PRKN: variants seen among roughly 807,000 people sequenced by gnomAD.
PRKN encodes the protein parkin RBR E3 ubiquitin protein ligase, also known as E3 ubiquitin-protein ligase parkin.
In PRKN, 56 loss-of-function variants were observed where a neutral mutation model predicts 59.5. The observed-to-expected ratio is 0.94, with a 90% CI of 0.76 to 1.18. PRKN has a LOEUF of 1.18. PRKN is among the 50% of genes most tolerant of loss of function. The pLI is 0.00. For synonymous variants in PRKN, 250 were observed against 222.1 expected (o/e 1.13, Z -1.12); for missense variants, 657 against 596.4 (o/e 1.10, Z -1.06).
chr6:161,767,377 T>C (rs934785064), intron 7 of PRKN, among the ~76,000 whole-genome samples: 156 of 151,686 alleles, frequency 1.0e-3, no homozygotes, highest in Non-Finnish European at 1.8e-3. Context: ...ATTAGTCGGG[T>C]GTGGTGGCGG....
chr6:162,078,040 A>G (rs4346837), intron 4 of PRKN, among the ~76,000 whole-genome samples: 123,710 of 150,192 alleles, frequency 0.82, 51,149 homozygotes, highest in Admixed American at 0.88. Flanking sequence ...TTTATTCACA[A>G]TACTAGCATA....
At chr6:161,486,608 T>C (rs1392376206) in intron 9 of PRKN, among the ~76,000 whole-genome samples, 1 of 152,170 alleles carries the variant, frequency 6.6e-6, no homozygotes, top group Non-Finnish European at 1.5e-5. Context: ...TCTTTTTGGT[T>C]CACACTGCCT....
chr6:161,963,433 C>T (rs1255154413), intron 6 of PRKN, among the ~76,000 whole-genome samples: 2 of 152,218 alleles, frequency 1.3e-5, no homozygotes, highest in Non-Finnish European at 2.9e-5. Context: ...AGGTTCACCA[C>T]GGGAGAAATG....
At chr6:162,293,361 G>A (rs1230248904) in intron 2 of PRKN, among the ~76,000 whole-genome samples, 2 of 152,174 alleles carry the variant, frequency 1.3e-5, no homozygotes, top group African/African-American at 4.8e-5. Flanking sequence ...AAAAGAATGA[G>A]GGTTAAAATG....
intron 2 of PRKN, among the ~76,000 whole-genome samples, chr6:162,279,228 C>T (rs1425173890): frequency 6.6e-6 from 1 of 151,792 alleles, no homozygotes. Flanking sequence ...ATCCCAGCTA[C>T]TTGGGAGGCT....
chr6:161,511,121 A>T (rs1337072497), intron 9 of PRKN, among the ~76,000 whole-genome samples: 1 of 152,240 alleles, frequency 6.6e-6, no homozygotes, highest in Non-Finnish European at 1.5e-5. Context: ...ACAGGTAAAC[A>T]ATGACATCGT....
At chr6:161,368,279 G>GTATATATTTATATATATTTA (rs199662784) in intron 10 of PRKN, among the ~76,000 whole-genome samples, 1 of 70,756 alleles carries the variant, frequency 1.4e-5, no homozygotes, top group African/African-American at 8.1e-5. Context: ...TTATATATAT[G>GTATATATTTATATATATTTA]TATATATTTA....
chr6:162,388,728 CT>C (rs1418720265), intron 2 of PRKN, among the ~76,000 whole-genome samples: 1 of 152,156 alleles, frequency 6.6e-6, no homozygotes, highest in East Asian at 1.9e-4. Context: ...CCCTGGACCC[CT>C]CTCTCTTCTC....
chr6:161,641,432 G>A (rs574882231), intron 7 of PRKN, among the ~76,000 whole-genome samples: 2 of 152,060 alleles, frequency 1.3e-5, no homozygotes, highest in Admixed American at 1.3e-4. Context: ...GCACAAGAGG[G>A]CAGCTTTGAT....
chr6:161,553,968 C>T (rs983904509), intron 8 of PRKN, among the ~76,000 whole-genome samples: 2 of 152,182 alleles, frequency 1.3e-5, no homozygotes, highest in Non-Finnish European at 2.9e-5. Context: ...AAAAGAAGCA[C>T]TGCTTCTTAA....
rs1404030276 is a variant in PRKN at position 161,353,169 on chromosome 6, T to C, written c.1286-2958A>G. 6.6e-6 allele frequency among the ~76,000 whole-genome samples: 1 copy of C among 152,140 alleles called. No homozygotes were observed. The highest frequency in any genetic ancestry group is 2.4e-5 in the African/African-American group (1 of 41,430). ...TCATAATGTTGGGGCAATTCAGGCCTCAGAAACAGGCGCCAGAAAAGAGAA... is the reference window on the plus strand; with the variant it reads ...TCATAATGTTGGGGCAATTCAGGCCCCAGAAACAGGCGCCAGAAAAGAGAA... On this transcript the variant is annotated intron_variant, in intron 11 of 11. Transcript: ENST00000366898. The surrounding 1 kb of genome is among the most constrained non-coding windows in gnomAD (Gnocchi z 4.8).
intron 5 of PRKN, among the ~76,000 whole-genome samples, chr6:161,996,242 G>C (rs1781836869): frequency 6.6e-6 from 1 of 152,040 alleles, no homozygotes; most frequent in African/African-American, 2.4e-5. Flanking sequence ...TCCTATGCTT[G>C]CAGAAACCTG....
intron 6 of PRKN, among the ~76,000 whole-genome samples, chr6:161,827,799 C>T (rs999679966): frequency 5.9e-5 from 9 of 152,188 alleles, no homozygotes; most frequent in African/African-American, 2.2e-4. Context: ...TGAGCCAGCA[C>T]ACCCGGCCCT....
At chr6:162,663,894 T>C (rs1198749292) in intron 1 of PRKN, among the ~76,000 whole-genome samples, 1 of 152,094 alleles carries the variant, frequency 6.6e-6, no homozygotes, top group Admixed American at 6.5e-5. Flanking sequence ...TCATTTTATT[T>C]TTTGAATTTT....
chr6:161,391,775 G>A lies in PRKN; in HGVS notation c.1084-4898C>T, dbSNP rs1786513321. 6.6e-6 allele frequency among the ~76,000 whole-genome samples: 1 copy of A among 152,044 alleles called. No homozygotes were observed. Among genetic ancestry groups the A allele is most frequent in the African/African-American group, 2.4e-5 (1 of 41,370 alleles). Reference sequence around the variant, plus strand: ...TGGAAAGGCCTAAGAGCATAACTGAGCCTTCCCTGAGGAAGAAGAGATTTC... The same window carrying A: ...TGGAAAGGCCTAAGAGCATAACTGAACCTTCCCTGAGGAAGAAGAGATTTC... On this transcript the variant is annotated intron_variant, in intron 9 of 11. Transcript: ENST00000366898. This position sits in a 1 kb window ranked among gnomAD's most constrained non-coding sequence, Gnocchi z 4.9.
intron 2 of PRKN, among the ~76,000 whole-genome samples, chr6:162,389,021 A>AAC (rs1206178283): frequency 2.0e-5 from 3 of 151,264 alleles, no homozygotes; most frequent in Non-Finnish European, 4.4e-5. Context: ...AAAAAAAAAA[A>AAC]AAACAAAAAA....
At chr6:162,722,613 T>C (rs775424258) in intron 1 of PRKN, among the ~76,000 whole-genome samples, 6 of 152,306 alleles carry the variant, frequency 3.9e-5, no homozygotes, top group East Asian at 1.9e-4. Flanking sequence ...AAAGAACTAA[T>C]AGCTAACAGA....
chr6:162,595,162 A>C (rs1345973391), intron 1 of PRKN, among the ~76,000 whole-genome samples: 1 of 152,168 alleles, frequency 6.6e-6, no homozygotes, highest in African/African-American at 2.4e-5. Flanking sequence ...TAACAGAGCG[A>C]GATTCTGTCT....
intron 4 of PRKN, among the ~76,000 whole-genome samples, chr6:162,102,026 T>G (rs565896296): frequency 6.6e-6 from 1 of 152,354 alleles, no homozygotes; most frequent in African/African-American, 2.4e-5. Context: ...TTCATTTTTC[T>G]AATTTTCTCT....
Sources: gnomAD v4.1 joint callset for allele counts (sites outside exome capture counted in the v4.1 genomes callset) on GRCh38, gnomAD v4.1.1 for gene constraint, Gnocchi (gnomAD v3.1) non-coding constraint, MANE v1.5 for transcripts, NCBI Gene and HGNC (gene_info 2026-07-23, HGNC 2026-07-21) for gene names.